Variants in KAT6A observed in about 807,000 individuals in gnomAD.
The protein encoded by KAT6A is lysine acetyltransferase 6A, also known as histone acetyltransferase KAT6A.
Under a neutral mutation model 198.4 loss-of-function variants are expected in KAT6A, and 9 were observed. The ratio of observed to expected loss-of-function variants is 0.05; its 90% CI spans 0.03 to 0.08. The LOEUF is 0.08. Ranked by LOEUF, KAT6A falls within the 10% of genes least tolerant of loss-of-function variation. The probability of loss-of-function intolerance (pLI) is 1.00; values close to 1 mark genes in which losing one functional copy is unlikely to be tolerated. For missense variants in KAT6A, 2,077 were observed against 2,509.9 expected (o/e 0.83, Z 3.69); for synonymous variants, 890 against 883.0 (o/e 1.01, Z -0.14).
intron 2 of KAT6A, among the ~76,000 whole-genome samples, chr8:42,039,475 T>C (rs1234189881): frequency 2.0e-5 from 3 of 152,150 alleles, no homozygotes; most frequent in Non-Finnish European, 4.4e-5. Context: ...ATAAATCTAA[T>C]AGATGTTAAG....
At chr8:42,013,376 C>T (rs891782172) in intron 2 of KAT6A, among the ~76,000 whole-genome samples, 3 of 151,776 alleles carry the variant, frequency 2.0e-5, no homozygotes, top group African/African-American at 4.8e-5. Flanking sequence ...CTGTCTCAGC[C>T]GCGCATGCCA....
rs1392880049 is a variant in KAT6A at position 41,934,880 on chromosome 8, G to A, written c.3353-13C>T. 1.2e-5 allele frequency: 19 copies of A among 1,560,250 alleles called. No individual in the cohort carries two copies. The highest frequency in any genetic ancestry group is 1.7e-4 in the Middle Eastern group (1 of 5,770). On this transcript the variant is annotated splice_polypyrimidine_tract_variant and intron_variant, in intron 16 of 16. Transcript: ENST00000265713. The stretch of plus-strand genomic sequence containing the variant: ...AAGATAGGAGTGTCTATACAGGAAG[G>A]AAAAAAAACAAAGACAGGTTACAAG...
In KAT6A at chr8:41,978,797, C is replaced by T; in HGVS notation, c.908-20G>A. ...ACATGCCTATAAAAAAATAAAATTC[C>T]ACATAGAAGTGTGACAGACATAAAT... On this transcript the variant is annotated intron_variant, in intron 5 of 16. Transcript: ENST00000265713. 1 of 1,609,608 alleles carries T rather than the reference C, an allele frequency of 6.2e-7. No individual in the cohort carries two copies. Among genetic ancestry groups the T allele is most frequent in the Non-Finnish European group, 8.5e-7 (1 of 1,177,512 alleles).
At chr8:41,972,557 T>C (rs1320882048) in intron 8 of KAT6A, among the ~76,000 whole-genome samples, 1 of 152,186 alleles carries the variant, frequency 6.6e-6, no homozygotes, top group African/African-American at 2.4e-5. Context: ...TGGAATTTTC[T>C]AATCATGAAA....
At chr8:42,004,137 AAATATAT>A (rs1825627174) in intron 2 of KAT6A, among the ~76,000 whole-genome samples, 1 of 152,210 alleles carries the variant, frequency 6.6e-6, no homozygotes, top group African/African-American at 2.4e-5. Context: ...CTAGAGAAAC[AAATATAT>A]AATAAAACTA....
chr8:41,979,217 G>A (rs1392790689), intron 5 of KAT6A, among the ~76,000 whole-genome samples: 1 of 152,156 alleles, frequency 6.6e-6, no homozygotes, highest in African/African-American at 2.4e-5. Context: ...GCAGTGAGCC[G>A]AGATTGCACC....
rs1194109343 is a variant in KAT6A, at chr8:41,930,809, GAA to G, written c.*1394_*1395del. 5.7e-6 allele frequency: 1 copy of G among 176,288 alleles called. No individual in the cohort carries two copies. The highest frequency in any genetic ancestry group is 1.2e-5 in the Non-Finnish European group (1 of 86,808). The allele number at this position is 176,288 out of a possible 1,614,324, so 10.9% of individuals were successfully genotyped here. A position where few individuals can be genotyped will look rare whatever the true frequency, so the allele number is the denominator to read the frequency against. On this transcript the variant is annotated 3_prime_UTR_variant, in exon 17 of 17. Transcript: ENST00000265713. ...GAATGGGCAAACTGGTTGCACGAGAGAAAAGAGAATGGAGTTGGGAGCAACAC... is the reference window on the plus strand; with the variant it reads ...GAATGGGCAAACTGGTTGCACGAGAGAAGAGAATGGAGTTGGGAGCAACAC...
intron 2 of KAT6A, among the ~76,000 whole-genome samples, chr8:41,988,044 T>C (rs991291191): frequency 6.6e-6 from 1 of 152,180 alleles, no homozygotes; most frequent in Non-Finnish European, 1.5e-5. Context: ...CCAACTGTGG[T>C]GTGGAGGAAG....
At chr8:41,955,187 T>C (rs1822865348) in intron 9 of KAT6A, 109 bp downstream of exon 9, 1 of 707,216 alleles carries the variant, frequency 1.4e-6, no homozygotes, top group South Asian at 1.7e-5. Flanking sequence ...AAGCCCCCAG[T>C]TTCCTCAAAT....
chr8:42,035,720 T>C (rs1564080206), intron 2 of KAT6A, among the ~76,000 whole-genome samples: 1 of 152,208 alleles, frequency 6.6e-6, no homozygotes, highest in Non-Finnish European at 1.5e-5. Context: ...CAGTTTCAAA[T>C]AGTGCTGCTC....
chr8:42,002,598 CA>C (rs892489206), intron 2 of KAT6A, among the ~76,000 whole-genome samples: 3 of 151,990 alleles, frequency 2.0e-5, no homozygotes, highest in African/African-American at 7.2e-5. Flanking sequence ...CAAAACAAAA[CA>C]AAAAACCCAC....
chr8:41,941,609 A>T (rs1042356335), intron 14 of KAT6A, among the ~76,000 whole-genome samples, 165 bp from the exon 15 acceptor site: 1 of 152,212 alleles, frequency 6.6e-6, no homozygotes, highest in Non-Finnish European at 1.5e-5. Flanking sequence ...CACTGCTTTA[A>T]ATTCTGTATA....
intron 2 of KAT6A, among the ~76,000 whole-genome samples, chr8:42,031,669 G>A (rs974289191): frequency 2.6e-4 from 30 of 113,366 alleles, no homozygotes; most frequent in Middle Eastern, 8.6e-3. Flanking sequence ...TAGCTCTGTC[G>A]CCCAGGCTGA....
chr8:42,003,445 CTTT>C (rs35594171), intron 2 of KAT6A, among the ~76,000 whole-genome samples: 8 of 142,856 alleles, frequency 5.6e-5, no homozygotes, highest in Admixed American at 7.0e-5. Flanking sequence ...ATTCAAACCT[CTTT>C]TTTTTTTTTT....
At chr8:41,960,248 G>A (rs1564023984) in intron 8 of KAT6A, among the ~76,000 whole-genome samples, 3 of 152,058 alleles carry the variant, frequency 2.0e-5, no homozygotes, top group African/African-American at 4.8e-5. Context: ...GCACAACAAG[G>A]TGAATGTCTT....
chr8:41,990,825 C>G (rs1057495867), intron 2 of KAT6A, among the ~76,000 whole-genome samples: 1 of 152,004 alleles, frequency 6.6e-6, no homozygotes, highest in African/African-American at 2.4e-5. Context: ...AACCCCGTCT[C>G]TACTAAAAAC....
intron 2 of KAT6A, among the ~76,000 whole-genome samples, chr8:42,033,989 T>C (rs926203554): frequency 2.0e-5 from 3 of 152,100 alleles, no homozygotes; most frequent in Non-Finnish European, 4.4e-5. Context: ...ATATGCAGCA[T>C]GGAGATTAAG....
intron 2 of KAT6A, among the ~76,000 whole-genome samples, chr8:41,996,099 A>T (rs1223006577): frequency 6.6e-6 from 1 of 152,204 alleles, no homozygotes; most frequent in Non-Finnish European, 1.5e-5. Flanking sequence ...ATTCTTAAAC[A>T]CTGACAAAAA....
chr8:41,996,672 C>T (rs923163893), intron 2 of KAT6A, among the ~76,000 whole-genome samples: 1 of 152,158 alleles, frequency 6.6e-6, no homozygotes, highest in African/African-American at 2.4e-5. Context: ...CTTGCGTGCT[C>T]GCTTCTGTCT....
Sources: gnomAD v4.1 joint callset for allele counts (sites outside exome capture counted in the v4.1 genomes callset) on GRCh38, gnomAD v4.1.1 for gene constraint, MANE v1.5 for transcripts, NCBI Gene and HGNC (gene_info 2026-07-23, HGNC 2026-07-21) for gene names.